TEX11: variants seen among roughly 807,000 people sequenced by gnomAD.
The protein encoded by TEX11 is testis expressed 11.
A neutral mutation model predicts 84.4 loss-of-function variants in TEX11; 7 were observed. That is an observed-to-expected ratio of 0.08 (90% CI 0.05 to 0.16). The LOEUF is 0.16. Among genes scored for constraint, TEX11 ranks in the 10% least tolerant of loss-of-function variants. The pLI is 1.00. For synonymous variants in TEX11, 264 were observed against 222.8 expected (o/e 1.18, Z -1.64); for missense variants, 551 against 660.5 (o/e 0.83, Z 1.82).
rs891521844 is a variant in TEX11, at chrX:70,759,248, C to A, written c.693-15029G>T. ...ATTCCAATCAATAGAAAAAGAGGGA[C>A]TCCTCCCTAACTCATTTTATGAGGC... On this transcript the variant is annotated intron_variant, in intron 9 of 29. Coordinates refer to ENST00000374333, the MANE Select transcript of TEX11 (RefSeq NM_031276.3). Among the ~76,000 whole-genome samples, 36 of 111,818 alleles carry A rather than the reference C, an allele frequency of 3.2e-4. 1 individual carries two copies. Among genetic ancestry groups the A allele is most frequent in the African/African-American group, 1.1e-3 (34 of 30,723 alleles).
chrX:70,775,746 G>C (rs1220828503), intron 9 of TEX11, among the ~76,000 whole-genome samples: 2 of 90,800 alleles, frequency 2.2e-5, no homozygotes, highest in Non-Finnish European at 4.1e-5. Context: ...GTTGCAGTGA[G>C]CCGAGATCAC....
intron 8 of TEX11, among the ~76,000 whole-genome samples, chrX:70,817,545 G>A (rs978860034): frequency 6.3e-5 from 7 of 111,187 alleles, no homozygotes; most frequent in Middle Eastern, 4.6e-3. Flanking sequence ...TTAGCCGGGC[G>A]TGGTGGGACA....
intron 16 of TEX11, among the ~76,000 whole-genome samples, chrX:70,664,248 T>C (rs1339366023): frequency 1.8e-5 from 2 of 111,868 alleles, no homozygotes; most frequent in African/African-American, 6.5e-5. Flanking sequence ...GCAGTGCTTA[T>C]AGTCAATAAA....
intron 14 of TEX11, 44 bp downstream of exon 14, chrX:70,682,630 A>G: frequency 8.5e-7 from 1 of 1,173,378 alleles, no homozygotes; most frequent in Non-Finnish European, 1.2e-6. Context: ...AGAATTATAC[A>G]CAAATTAATA....
At chrX:70,603,240 G>T (rs374228797) in intron 24 of TEX11, among the ~76,000 whole-genome samples, 6,127 of 90,054 alleles carry the variant, frequency 0.068, 344 homozygotes, top group Admixed American at 0.22. Flanking sequence ...AGCCCGCATC[G>T]CCAAGTCAAT....
chrX:70,594,059 A>G (rs1464370843), intron 24 of TEX11, among the ~76,000 whole-genome samples: 2 of 111,837 alleles, frequency 1.8e-5, no homozygotes, highest in Non-Finnish European at 3.8e-5. Flanking sequence ...AAACACAAAG[A>G]TATCCAACCA....
intron 2 of TEX11, among the ~76,000 whole-genome samples, chrX:70,893,936 C>A (rs1442765916): frequency 8.9e-6 from 1 of 111,902 alleles, no homozygotes; most frequent in African/African-American, 3.2e-5. Flanking sequence ...TCAGAGAATA[C>A]AATAAACATC....
rs1041611346 is a variant in TEX11 at position 70,590,260 on chromosome X, G to T, written c.2140+1491C>A. ...TTTAAGTGACTGTCATAGACTACGA[G>T]AAGTAAATTAAATTTCATATGTTTA... is the stretch of plus-strand genomic sequence containing the variant. On this transcript the variant is annotated intron_variant, in intron 25 of 29. Transcript: ENST00000374333. Among the ~76,000 whole-genome samples, 4 of 111,281 alleles carry T rather than the reference G, an allele frequency of 3.6e-5. No homozygotes were observed. In the Admixed American group the frequency reaches 3.8e-4, roughly 11 times the overall value.
At chrX:70,606,789 G>A (rs1269701102) in intron 23 of TEX11, among the ~76,000 whole-genome samples, 170 bp downstream of exon 23, 1 of 111,447 alleles carries the variant, frequency 9.0e-6, no homozygotes, top group Non-Finnish European at 1.9e-5. Flanking sequence ...ACATTCTTAT[G>A]TTATACCCTA....
chrX:70,521,881 CAG>C, the TEX11 span, among the ~76,000 whole-genome samples: 2 of 109,514 alleles, frequency 1.8e-5, no homozygotes, highest in East Asian at 2.9e-4. Flanking sequence ...TTTTTTGAGA[CAG>C]AGTCTCACTT....
chrX:70,632,449 A>G (rs2089521657), intron 17 of TEX11, among the ~76,000 whole-genome samples: 1 of 111,304 alleles, frequency 9.0e-6, no homozygotes, highest in Non-Finnish European at 1.9e-5. Context: ...CTCTACAAAA[A>G]AGTTTTAAAA....
At chrX:70,514,285 C>T in the TEX11 span, among the ~76,000 whole-genome samples, 2 of 106,091 alleles carry the variant, frequency 1.9e-5, no homozygotes, top group Non-Finnish European at 3.9e-5. Context: ...TAGCCCTCTA[C>T]AGAGTTTTGG....
chrX:70,547,710 C>T (rs1260263839), intron 28 of TEX11, among the ~76,000 whole-genome samples: 1 of 111,834 alleles, frequency 8.9e-6, no homozygotes, highest in Non-Finnish European at 1.9e-5. Flanking sequence ...AAATCAAAAC[C>T]ACAATAAGAT....
rs770197963 is a variant in TEX11 at position 70,610,475 on chromosome X, G to C, written c.1792+28C>G. ...AACAGAGAATAGAGGCAAGATGAAGGACTGAATATAACCAGGGAGATATTT... is the reference window on the plus strand; with the variant it reads ...AACAGAGAATAGAGGCAAGATGAAGCACTGAATATAACCAGGGAGATATTT... On this transcript the variant is annotated intron_variant, in intron 21 of 29. Transcript: ENST00000374333. 3.4e-6 allele frequency: 4 copies of C among 1,182,617 alleles called. No homozygotes were observed. The Admixed American group carries it at 9.1e-5, about 27-fold the overall frequency.
At chrX:70,672,495 T>C (rs1025584494) in intron 15 of TEX11, among the ~76,000 whole-genome samples, 13 of 112,204 alleles carry the variant, frequency 1.2e-4, no homozygotes, top group Non-Finnish European at 2.3e-4. Flanking sequence ...TTCCTCAACA[T>C]CTTCGTCAGC....
At chrX:70,847,047 G>C (rs2091483398) in intron 7 of TEX11, among the ~76,000 whole-genome samples, 1 of 111,805 alleles carries the variant, frequency 8.9e-6, no homozygotes, top group Non-Finnish European at 1.9e-5. Flanking sequence ...CACAGTAACA[G>C]TGAGTTCTTG....
chrX:70,756,123 C>G (rs60235783), intron 9 of TEX11, among the ~76,000 whole-genome samples: 9,056 of 112,138 alleles, frequency 0.081, 348 homozygotes, highest in African/African-American at 0.15. Context: ...TCGAACTGGG[C>G]GGAGCCCACT....
At chrX:70,560,584 T>A (rs941761880) in intron 25 of TEX11, among the ~76,000 whole-genome samples, 2 of 112,155 alleles carry the variant, frequency 1.8e-5, no homozygotes, top group Non-Finnish European at 3.8e-5. Context: ...CTTGTCTTTT[T>A]CTTTTCTCAA....
chrX:70,820,624 G>C (rs2091313542), intron 8 of TEX11, among the ~76,000 whole-genome samples: 1 of 111,447 alleles, frequency 9.0e-6, no homozygotes, highest in African/African-American at 3.3e-5. Context: ...AAGGCAAAGG[G>C]GAGTAAACAT....
Sources: gnomAD v4.1 joint callset for allele counts (sites outside exome capture counted in the v4.1 genomes callset) on GRCh38, gnomAD v4.1.1 for gene constraint, MANE v1.5 for transcripts, NCBI Gene and HGNC (gene_info 2026-07-23, HGNC 2026-07-21) for gene names.